Variants in KMT2A observed in about 807,000 individuals in gnomAD.
KMT2A encodes the protein lysine methyltransferase 2A, also known as histone-lysine N-methyltransferase 2A.
A neutral mutation model predicts 345.3 loss-of-function variants in KMT2A; 16 were observed. The ratio of observed to expected loss-of-function variants is 0.05; its 90% CI spans 0.03 to 0.07. The LOEUF (loss-of-function observed/expected upper bound fraction) is 0.07, where lower values mean the gene tolerates loss of function less well. Ranked by LOEUF, KMT2A falls within the 10% of genes least tolerant of loss-of-function variation. The pLI is 1.00. For missense variants in KMT2A, 3,272 were observed against 4,841.6 expected (o/e 0.68, Z 9.62); for synonymous variants, 1,599 against 1,778.6 (o/e 0.90, Z 2.54).
At chr11:118,487,271 A>AT (rs1466024422) in intron 10 of KMT2A, among the ~76,000 whole-genome samples, 1 of 152,044 alleles carries the variant, frequency 6.6e-6, no homozygotes, top group East Asian at 1.9e-4. Flanking sequence ...GATTAAACAG[A>AT]TTTTTTTTCA....
intron 6 of KMT2A, among the ~76,000 whole-genome samples, chr11:118,480,839 A>ATT (rs1290870114): frequency 3.3e-5 from 5 of 151,210 alleles, no homozygotes; most frequent in African/African-American, 9.7e-5. Context: ...ATTTTTGTAA[A>ATT]TTTTTTTTGC....
chr11:118,517,486 A>AG (rs1555051925), intron 31 of KMT2A, among the ~76,000 whole-genome samples: 1 of 152,048 alleles, frequency 6.6e-6, no homozygotes, highest in African/African-American at 2.4e-5. Flanking sequence ...TGTGTTACAT[A>AG]GTGTTACATA....
chr11:118,481,366 TCTGGCTTATTTCA>T (rs1235272140), intron 6 of KMT2A, among the ~76,000 whole-genome samples: 10 of 152,350 alleles, frequency 6.6e-5, no homozygotes, highest in African/African-American at 2.4e-4. Flanking sequence ...TCTCTCTGTG[TCTGGCTTATTTCA>T]CTTAACATAA....
chr11:118,438,262 C>A (rs191317739), intron 1 of KMT2A, among the ~76,000 whole-genome samples: 18 of 152,108 alleles, frequency 1.2e-4, no homozygotes, highest in African/African-American at 4.3e-4. Context: ...AGGGTCAGAG[C>A]GTTGCCCCTT....
rs782144224 is a variant in KMT2A, at chr11:118,506,248, C to T, written c.10356C>T (p.His3452=). Residue 3452 remains histidine, a synonymous_variant, in exon 27 of 36, where the codon CAC becomes CAT. Coordinates refer to ENST00000534358, the MANE Select transcript of KMT2A (RefSeq NM_001197104.2). ...CACCTTCTGGGGAAGCAGACGAACA[C>T]TATCAGCTTCAGCATGTGAACCAGC... ...AASPSGEADE[H]YQLQHVNQLL... The T allele has an allele frequency of 6.2e-7, 1 of 1,614,084 alleles. No homozygotes were observed. Among genetic ancestry groups the T allele is most frequent in the African/African-American group, 1.3e-5 (1 of 74,920 alleles).
chr11:118,489,723 G>A (rs1334655477), intron 11 of KMT2A, 69 bp from the exon 12 acceptor site: 1 of 1,263,012 alleles, frequency 7.9e-7, no homozygotes, highest in Middle Eastern at 1.9e-4. Context: ...GTGAAATGGG[G>A]TACTAAGTAA....
In KMT2A at chr11:118,484,457, G is replaced by A. The variant is rs1344443507; in HGVS notation, c.4218+143G>A. ...ACTCCCATTAGCAGGTGGGTTTAGC[G>A]CTGGGAGAGCTTTGGTCAGTGTTGT... On this transcript the variant is annotated intron_variant, in intron 9 of 35. Coordinates refer to ENST00000534358, the MANE Select transcript of KMT2A (RefSeq NM_001197104.2). The surrounding 1 kb of genome is among the most constrained non-coding windows in gnomAD (Gnocchi z 4.1). The A allele has an allele frequency of 8.8e-6, 7 of 793,360 alleles. No homozygotes were observed. Among genetic ancestry groups the A allele is most frequent in the East Asian group, 2.7e-5 (1 of 37,568 alleles). 49.1% of individuals were successfully genotyped at this position (793,360 alleles called of 1,614,324 possible).
Position 118,504,253 on chromosome 11 carries a change from T to C in KMT2A, c.8361T>C (p.His2787=), listed in dbSNP as rs782412654. 3 of 1,614,178 alleles carry C rather than the reference T, an allele frequency of 1.9e-6. No individual in the cohort carries two copies. The highest frequency in any genetic ancestry group is 1.6e-4 in the Middle Eastern group (1 of 6,062). Residue 2787 remains histidine (H), a synonymous_variant, in exon 27 of 36, where the codon CAT becomes CAC. Transcript: ENST00000534358. This position sits in a 1 kb window ranked among gnomAD's most constrained non-coding sequence, Gnocchi z 6.4. ...HKNEPKMDNC[H]SVSRVKTQGQ... The stretch of plus-strand genomic sequence containing the variant: ...ATGAGCCAAAGATGGATAACTGCCA[T>C]TCTGTAAGCAGAGTTAAAACACAGG...
Position 118,473,262 on chromosome 11 carries a change from A to G in KMT2A, c.2103A>G (p.Arg701=). 1 of 1,611,424 alleles carries G rather than the reference A, an allele frequency of 6.2e-7. No homozygotes were observed. The highest frequency in any genetic ancestry group is 1.1e-5 in the South Asian group (1 of 90,814). Residue 701 remains arginine (R), a synonymous_variant, in exon 3 of 36, where the codon AGA becomes AGG. Coordinates refer to ENST00000534358, the MANE Select transcript of KMT2A (RefSeq NM_001197104.2). This position sits in a 1 kb window ranked among gnomAD's most constrained non-coding sequence, Gnocchi z 5.2. ...HKRSPLLRAP[R]FTPSEAHSRI... The stretch of plus-strand genomic sequence containing the variant: ...GGAGCCCTCTTCTGAGAGCTCCAAG[A>G]TTTACTCCAAGTGAGGCTCACTCTA...
At chr11:118,442,171 A>C (rs1427968554) in intron 1 of KMT2A, among the ~76,000 whole-genome samples, 2 of 152,168 alleles carry the variant, frequency 1.3e-5, no homozygotes, top group African/African-American at 2.4e-5. Context: ...CCTTTTGTGA[A>C]TATCTTGTCT....
chr11:118,436,638 C>T lies in KMT2A; in HGVS notation c.126C>T (p.Pro42=), dbSNP rs1347161745. The T allele has an allele frequency of 6.9e-6, 8 of 1,155,980 alleles. No homozygotes were observed. The South Asian group carries it at 1.3e-4, about 18-fold the overall frequency. 71.6% of individuals were successfully genotyped at this position (1,155,980 alleles called of 1,614,324 possible). The part of the protein sequence containing the change: ...RQRVPALLLP[P]GPPVGGGGPG... ...GCGTCCCGGCCCTGCTGCTTCCCCC[C>T]GGGCCCCCGGTCGGCGGTGGCGGCC... Residue 42 remains proline, a synonymous_variant, in exon 1 of 36, where the codon CCC becomes CCT. Transcript: ENST00000534358. This position sits in a 1 kb window ranked among gnomAD's most constrained non-coding sequence, Gnocchi z 6.9.
intron 1 of KMT2A, among the ~76,000 whole-genome samples, chr11:118,452,152 C>G (rs183818442): frequency 7.0e-4 from 106 of 152,306 alleles, no homozygotes; most frequent in African/African-American, 2.5e-3. Flanking sequence ...AGCGATTCTA[C>G]TCCCTCAGCC....
At chr11:118,456,813 G>T (rs782775875) in intron 1 of KMT2A, among the ~76,000 whole-genome samples, 1 of 152,098 alleles carries the variant, frequency 6.6e-6, no homozygotes, top group Non-Finnish European at 1.5e-5. Context: ...AGACAACGTG[G>T]ATAAACATTT....
At position 118,499,307 on chromosome 11, in the gene KMT2A, T is replaced by C; in HGVS notation, c.5966T>C (p.Val1989Ala). ...CTACCATGGGTTTTATTTAAGGTGGTTCCTGAGAATGGATTTGAAGTTTTC... is the reference window on the plus strand; with the variant it reads ...CTACCATGGGTTTTATTTAAGGTGGCTCCTGAGAATGGATTTGAAGTTTTC... ...RHRDLIKGEV[V>A]PENGFEVFRR... The change falls in exon 23 of 36, where the codon GTT becomes GCT. Residue 1989 changes from valine to alanine, a missense_variant. Val to Ala is a moderately conservative substitution (Grantham distance 64). Transcript: ENST00000534358. The C allele has an allele frequency of 1.2e-6, 2 of 1,606,242 alleles. No homozygotes were observed. Among genetic ancestry groups the C allele is most frequent in the Non-Finnish European group, 1.7e-6 (2 of 1,172,800 alleles).
At chr11:118,437,211 C>A (rs1190234836) in intron 1 of KMT2A, among the ~76,000 whole-genome samples, 2 of 151,820 alleles carry the variant, frequency 1.3e-5, no homozygotes, top group Admixed American at 6.5e-5. Flanking sequence ...TGGCACAGAC[C>A]CCCTCGCCGG....
At position 118,498,104 on chromosome 11, in the gene KMT2A, A is replaced by G. The variant is rs1382745870; in HGVS notation, c.5802+31A>G. On this transcript the variant is annotated intron_variant, in intron 21 of 35. Transcript: ENST00000534358. The surrounding 1 kb of genome is among the most constrained non-coding windows in gnomAD (Gnocchi z 4.4). Reference sequence around the variant, plus strand: ...ACCTTATGGGTAAATTTTATGAAAGAGATTCCCTCTCAGTTTCCAGATATT... The same window carrying G: ...ACCTTATGGGTAAATTTTATGAAAGGGATTCCCTCTCAGTTTCCAGATATT... 1.6e-5 allele frequency: 25 copies of G among 1,606,764 alleles called. No homozygotes were observed. The East Asian group carries it at 5.6e-4, about 36-fold the overall frequency.
In KMT2A at chr11:118,510,063, T is replaced by C; in HGVS notation, c.11016T>C (p.Leu3672=). 1 of 1,613,896 alleles carries C rather than the reference T, an allele frequency of 6.2e-7. No homozygotes were observed. Among genetic ancestry groups the C allele is most frequent in the Non-Finnish European group, 8.5e-7 (1 of 1,179,844 alleles). Residue 3672 remains leucine, a synonymous_variant, in exon 30 of 36, where the codon CTT becomes CTC. Coordinates refer to ENST00000534358, the MANE Select transcript of KMT2A (RefSeq NM_001197104.2). The surrounding 1 kb of genome is among the most constrained non-coding windows in gnomAD (Gnocchi z 4.1). ...SITEKKPKKG[L]VFEISSDDGF... is the part of the protein sequence containing the mutation. ...CTGAGAAAAAACCCAAGAAAGGACT[T>C]GTTTTTGAAATTTCCAGTGATGATG...
intron 1 of KMT2A, among the ~76,000 whole-genome samples, chr11:118,451,825 T>G (rs1046151710): frequency 5.9e-5 from 9 of 152,104 alleles, no homozygotes; most frequent in African/African-American, 1.9e-4. Context: ...GCTTAAAATG[T>G]AGCAGGAATA....
intron 10 of KMT2A, among the ~76,000 whole-genome samples, chr11:118,485,846 G>T (rs1475812532): frequency 1.3e-5 from 2 of 152,186 alleles, no homozygotes; most frequent in African/African-American, 4.8e-5. Context: ...ACTTTGGGAG[G>T]CCAAGGCAGG....
Sources: allele counts gnomAD v4.1 joint callset (sites outside exome capture counted in the v4.1 genomes callset), GRCh38; gene constraint gnomAD v4.1.1; non-coding constraint Gnocchi (gnomAD v3.1); transcripts MANE v1.5; gene names NCBI Gene and HGNC (gene_info 2026-07-23, HGNC 2026-07-21).